ST18: variants seen among roughly 807,000 people sequenced by gnomAD.
The protein encoded by ST18 is ST18 C2H2C-type zinc finger transcription factor.
ST18 carries 50 observed loss-of-function variants against 110.0 expected under a neutral mutation model. The observed-to-expected ratio is 0.45, with a 90% confidence interval of 0.36 to 0.58. ST18 has a LOEUF of 0.58. Ranked by LOEUF, ST18 falls within the 20% of genes least tolerant of loss-of-function variation. The probability of loss-of-function intolerance (pLI) is 0.00; values close to 1 mark genes in which losing one functional copy is unlikely to be tolerated. For synonymous variants in ST18, 461 were observed against 452.4 expected, an observed-to-expected ratio of 1.02 and a Z score of -0.24; for missense variants, 1,306 against 1,280.1, an observed-to-expected ratio of 1.02 and a Z score of -0.31.
rs61614345 is a variant in ST18 at position 52,229,095 on chromosome 8, G to A, written c.-419+937C>T. ...ATATTCCAATTCTTACAGACTATCA[G>A]TCTTAGCCTCTCAAGAACATTTTCT... On this transcript the variant is annotated intron_variant, in intron 3 of 25. Transcript: ENST00000689386. Among the ~76,000 whole-genome samples the A allele has an allele frequency of 5.8e-3, 880 of 152,276 alleles. 5 individuals are homozygous for A. The highest frequency in any genetic ancestry group is 0.02 in the African/African-American group (850 of 41,550).
At chr8:52,238,064 C>T (rs749797335) in intron 2 of ST18, among the ~76,000 whole-genome samples, 2 of 152,142 alleles carry the variant, frequency 1.3e-5, no homozygotes, top group Non-Finnish European at 2.9e-5. Flanking sequence ...CTGACAATAG[C>T]AAGTGTCGAT....
chr8:52,118,661 T>G (rs1346229147), intron 23 of ST18, among the ~76,000 whole-genome samples: 2 of 152,204 alleles, frequency 1.3e-5, no homozygotes, highest in South Asian at 2.1e-4. Flanking sequence ...CACCCTTGCA[T>G]GTAGCTCAGT....
intron 2 of ST18, among the ~76,000 whole-genome samples, chr8:52,230,774 C>T (rs540037267): frequency 2.8e-4 from 43 of 151,778 alleles, no homozygotes; most frequent in Non-Finnish European, 5.1e-4. Flanking sequence ...CTGGGTTCAC[C>T]ACTAGTAGAT....
At chr8:52,394,136 C>A (rs888471386) in intron 2 of ST18, among the ~76,000 whole-genome samples, 6 of 152,244 alleles carry the variant, frequency 3.9e-5, no homozygotes, top group South Asian at 2.1e-4. Context: ...TCCCATCCCC[C>A]TGTCTTAATG....
intron 15 of ST18, among the ~76,000 whole-genome samples, chr8:52,154,175 G>A (rs765858668): frequency 1.3e-5 from 2 of 152,210 alleles, no homozygotes; most frequent in Non-Finnish European, 2.9e-5. Context: ...CAGAATGTGT[G>A]GCAAATCTGC....
intron 2 of ST18, among the ~76,000 whole-genome samples, chr8:52,312,705 T>C (rs2095942907): frequency 1.3e-5 from 2 of 152,134 alleles, no homozygotes; most frequent in East Asian, 1.9e-4. Flanking sequence ...GCAGTATTCA[T>C]TTAGTGCTGC....
At position 52,262,703 on chromosome 8, in the gene ST18, C is replaced by T. The variant is rs11786182; in HGVS notation, c.-464-32626G>A. ...TCTCCTATGTAAGAGTCTTTTTCACCTGTAAGATTAAGTCTGAATTTCTAA... is the reference window on the plus strand; with the variant it reads ...TCTCCTATGTAAGAGTCTTTTTCACTTGTAAGATTAAGTCTGAATTTCTAA... On this transcript the variant is annotated intron_variant, in intron 2 of 25. Transcript: ENST00000689386. Among the ~76,000 whole-genome samples the T allele has an allele frequency of 1.0e-3, 154 of 152,310 alleles. 2 individuals carry two copies. Among genetic ancestry groups the T allele is most frequent in the Non-Finnish European group, 1.6e-3 (107 of 68,028 alleles).
chr8:52,357,927 T>G (rs1018673638), intron 2 of ST18, among the ~76,000 whole-genome samples: 3 of 150,872 alleles, frequency 2.0e-5, no homozygotes, highest in Non-Finnish European at 4.4e-5. Flanking sequence ...CATAGATTAT[T>G]CTCTAACATA....
intron 2 of ST18, among the ~76,000 whole-genome samples, chr8:52,294,877 G>A (rs902894922): frequency 2.0e-5 from 3 of 152,162 alleles, no homozygotes; most frequent in Admixed American, 6.5e-5. Flanking sequence ...TGGAGGGGAC[G>A]GTATTGCTGC....
chr8:52,154,695 G>A (rs1436983965), intron 15 of ST18: 2 of 152,052 alleles, frequency 1.3e-5, no homozygotes, highest in Non-Finnish European at 1.5e-5. Flanking sequence ...TAAAATGAAG[G>A]ACATTATATG....
chr8:52,230,695 T>C (rs1319152034), intron 2 of ST18, among the ~76,000 whole-genome samples: 1 of 152,190 alleles, frequency 6.6e-6, no homozygotes, highest in Non-Finnish European at 1.5e-5. Flanking sequence ...TTCTCATGTG[T>C]TTCCACGCTA....
chr8:52,314,392 C>G (rs1241972192), intron 2 of ST18, among the ~76,000 whole-genome samples: 1 of 152,144 alleles, frequency 6.6e-6, no homozygotes, highest in Non-Finnish European at 1.5e-5. Flanking sequence ...AATTATCTGC[C>G]CCTACTATAG....
chr8:52,386,016 T>C (rs999470722), intron 2 of ST18, among the ~76,000 whole-genome samples: 6 of 152,166 alleles, frequency 3.9e-5, no homozygotes, highest in Admixed American at 2.0e-4. Context: ...AGTCATTCCA[T>C]GCCTGGGACT....
chr8:52,321,661 A>C (rs1368783593), intron 2 of ST18, among the ~76,000 whole-genome samples: 3 of 152,242 alleles, frequency 2.0e-5, no homozygotes, highest in Non-Finnish European at 4.4e-5. Context: ...AGTGATGCTA[A>C]TACAATCACC....
chr8:52,163,949 T>C (rs747540744), intron 13 of ST18, 37 bp downstream of exon 13: 1 of 1,535,086 alleles, frequency 6.5e-7, no homozygotes, highest in Non-Finnish European at 9.0e-7. Flanking sequence ...GGAGCCTGGA[T>C]GAAGAGAGCA....
intron 2 of ST18, among the ~76,000 whole-genome samples, chr8:52,258,734 G>C (rs1408629727): frequency 6.6e-6 from 1 of 151,970 alleles, no homozygotes; most frequent in East Asian, 1.9e-4. Flanking sequence ...TTTTATTGCT[G>C]GACTGTCTTG....
chr8:52,245,518 ATTAAG>A (rs1451693902), intron 2 of ST18, among the ~76,000 whole-genome samples: 1 of 152,128 alleles, frequency 6.6e-6, no homozygotes, highest in Non-Finnish European at 1.5e-5. Flanking sequence ...AATTTAGGGA[ATTAAG>A]TTAAGCTAGC....
At chr8:52,138,958 C>T (rs1434609463) in intron 17 of ST18, among the ~76,000 whole-genome samples, 1 of 152,088 alleles carries the variant, frequency 6.6e-6, no homozygotes, top group Admixed American at 6.6e-5. Flanking sequence ...ATCCACTTTC[C>T]AATCATTTTC....
In ST18 at chr8:52,285,058, G is replaced by C. The variant is rs2095445833; in HGVS notation, c.-464-54981C>G. Among the ~76,000 whole-genome samples, 2 of 152,192 alleles carry C rather than the reference G, an allele frequency of 1.3e-5. 1 individual carries two copies. The highest frequency in any genetic ancestry group is 4.1e-4 in the South Asian group (2 of 4,826). Reference sequence around the variant, plus strand: ...AATGGAGCATGCTAACTTATCACTGGAAGGTGTGGGGAGAGGCTGAATAGT... The same window carrying C: ...AATGGAGCATGCTAACTTATCACTGCAAGGTGTGGGGAGAGGCTGAATAGT... On this transcript the variant is annotated intron_variant, in intron 2 of 25. Coordinates refer to ENST00000689386, the MANE Select transcript of ST18 (RefSeq NM_001352837.2).
Sources: allele counts gnomAD v4.1 joint callset (sites outside exome capture counted in the v4.1 genomes callset), GRCh38; gene constraint gnomAD v4.1.1; transcripts MANE v1.5; gene names NCBI Gene and HGNC (gene_info 2026-07-23, HGNC 2026-07-21).